The following C1QTNF1 variants were observed in gnomAD, a reference collection of about 807,000 sequenced individuals.
C1QTNF1 encodes C1q and TNF related 1.
C1QTNF1 carries 22 observed loss-of-function variants against 27.8 expected under a neutral mutation model. That is an observed-to-expected ratio of 0.79 (90% CI 0.56 to 1.13). The LOEUF is 1.13. Among genes scored for constraint, C1QTNF1 ranks in the 50% most tolerant of loss-of-function variants. The pLI is 0.00. For synonymous variants in C1QTNF1, 166 were observed against 154.3 expected (o/e 1.08, Z -0.56); for missense variants, 373 against 380.2 (o/e 0.98, Z 0.16).
rs770053807 is a variant in C1QTNF1, at chr17:79,046,703, G to A, written c.295+9G>A. 2 of 1,613,954 alleles carry A rather than the reference G, an allele frequency of 1.2e-6. No individual in the cohort carries two copies. The highest frequency in any genetic ancestry group is 2.7e-5 in the African/African-American group (2 of 74,928). On this transcript the variant is annotated intron_variant, in intron 3 of 3. Coordinates refer to ENST00000579760, the MANE Select transcript of C1QTNF1 (RefSeq NM_030968.5). The surrounding 1 kb of genome is among the most constrained non-coding windows in gnomAD (Gnocchi z 4.8). ...CATCACTATCTTGAAAGGTCAGATG[G>A]CTGCAAAGACAAGCACGGGGTGGCC...
rs1255799578 is a variant in C1QTNF1, at chr17:79,046,834, C to G, written c.295+140C>G. On this transcript the variant is annotated intron_variant, in intron 3 of 3. Transcript: ENST00000579760. This position sits in a 1 kb window ranked among gnomAD's most constrained non-coding sequence, Gnocchi z 4.8. ...CAGGGAGCAGAGGCAGGCAGGCTGT[C>G]ATCTAGAGGGGAAGGCACAGGAAAT... is the stretch of plus-strand genomic sequence containing the variant. 8.9e-7 allele frequency: 1 copy of G among 1,123,624 alleles called. No individual in the cohort carries two copies. Among genetic ancestry groups the G allele is most frequent in the African/African-American group, 1.6e-5 (1 of 64,050 alleles). 69.6% of individuals were successfully genotyped at this position (1,123,624 alleles called of 1,614,324 possible).
At chr17:79,043,038 G>T (rs2072455972) in intron 1 of C1QTNF1, among the ~76,000 whole-genome samples, 1 of 151,898 alleles carries the variant, frequency 6.6e-6, no homozygotes. Flanking sequence ...GCATGTATAT[G>T]AATGTGTGTG....
At chr17:79,044,562 G>A (rs141204242) in intron 2 of C1QTNF1, among the ~76,000 whole-genome samples, 54 of 152,278 alleles carry the variant, frequency 3.5e-4, no homozygotes, top group African/African-American at 1.2e-3. Context: ...CATGGCCCAC[G>A]CGTCTTATCA....
chr17:79,040,046 T>C (rs2072362379), intron 1 of C1QTNF1, among the ~76,000 whole-genome samples: 1 of 152,178 alleles, frequency 6.6e-6, no homozygotes, highest in African/African-American at 2.4e-5. Context: ...AAATATTTGC[T>C]GAGCACCAGT....
At position 79,044,118 on chromosome 17, in the gene C1QTNF1, CGA is replaced by C; in HGVS notation, c.154_155del (p.Arg52GlyfsTer2). On this transcript the variant is annotated frameshift_variant, in exon 2 of 4. Transcript: ENST00000579760. LOFTEE classifies it high-confidence loss of function. Reference sequence around the variant, plus strand: ...AGCTGCCGTCGCCTCCGGACCATGCCGAGAGGTGAGGGGCCACGAGGGTGTAA... The same window carrying C: ...AGCTGCCGTCGCCTCCGGACCATGCCGAGGTGAGGGGCCACGAGGGTGTAA... Reference protein sequence around the residue: ...EELPSPPDHAERAEEQHEKYR... With the variant: ...EELPSPPDHAXRAEEQHEKYR... 1 of 1,606,692 alleles carries C rather than the reference CGA, an allele frequency of 6.2e-7. No homozygotes were observed. The highest frequency in any genetic ancestry group is 1.1e-5 in the South Asian group (1 of 90,594).
At position 79,046,728 on chromosome 17, in the gene C1QTNF1, C is replaced by A; in HGVS notation, c.295+34C>A. The A allele has an allele frequency of 6.2e-7, 1 of 1,613,248 alleles. No individual in the cohort carries two copies. The highest frequency in any genetic ancestry group is 8.5e-7 in the Non-Finnish European group (1 of 1,179,610). ...GCTGCAAAGACAAGCACGGGGTGGC[C>A]GGGCTGCTCTGTGCTGATCCGGAGG... On this transcript the variant is annotated intron_variant, in intron 3 of 3. Transcript: ENST00000579760. This position sits in a 1 kb window ranked among gnomAD's most constrained non-coding sequence, Gnocchi z 4.8.
At chr17:79,040,650 T>C (rs1011372382) in intron 1 of C1QTNF1, among the ~76,000 whole-genome samples, 1 of 149,308 alleles carries the variant, frequency 6.7e-6, no homozygotes, top group Non-Finnish European at 1.5e-5. Flanking sequence ...TCCCAGCACT[T>C]TGGGAGGCTG....
Position 79,048,148 on chromosome 17 carries a change from C to G in C1QTNF1, c.*60C>G. On this transcript the variant is annotated 3_prime_UTR_variant, in exon 4 of 4. Coordinates refer to ENST00000579760, the MANE Select transcript of C1QTNF1 (RefSeq NM_030968.5). ...CACCCCTGCGCTGTGCTGACCCCAC[C>G]GCCTCTTCCCCGATCCCTGGACTCC... 1.8e-5 allele frequency: 17 copies of G among 947,798 alleles called. No homozygotes were observed. The highest frequency in any genetic ancestry group is 5.7e-5 in the Admixed American group (1 of 17,666). 58.7% of individuals were successfully genotyped at this position (947,798 alleles called of 1,614,324 possible).
At chr17:79,044,486 A>G (rs1456544394) in intron 2 of C1QTNF1, among the ~76,000 whole-genome samples, 1 of 152,160 alleles carries the variant, frequency 6.6e-6, no homozygotes, top group African/African-American at 2.4e-5. Flanking sequence ...GGACCTAGGC[A>G]CCACTTGGAG....
intron 1 of C1QTNF1, among the ~76,000 whole-genome samples, chr17:79,040,816 A>T (rs1487615339): frequency 6.7e-6 from 1 of 149,680 alleles, no homozygotes; most frequent in African/African-American, 2.5e-5. Flanking sequence ...AGGTGGGAGG[A>T]TGGCTCAAGT....
In C1QTNF1 at chr17:79,043,737, G is replaced by A. The variant is rs1219893643; in HGVS notation, c.-14-218G>A. On this transcript the variant is annotated intron_variant, in intron 1 of 3. Transcript: ENST00000579760. The stretch of plus-strand genomic sequence containing the variant: ...TATGTGAATGTGTGTGCATGTGCGT[G>A]TGTGCACGTGAGTGCGTCGTGAGTG... 7.6e-6 allele frequency: 5 copies of A among 660,594 alleles called. No individual in the cohort carries two copies. The African/African-American group carries it at 8.9e-5, about 12-fold the overall frequency. The allele number at this position is 660,594 out of a possible 1,614,324, so 40.9% of individuals were successfully genotyped here. A position where few individuals can be genotyped will look rare whatever the true frequency, so the allele number is the denominator to read the frequency against.
At chr17:79,029,066 C>T (rs2072056523) in intron 1 of C1QTNF1, among the ~76,000 whole-genome samples, 1 of 152,200 alleles carries the variant, frequency 6.6e-6, no homozygotes, top group South Asian at 2.1e-4. Context: ...GTACCCCATA[C>T]CATACCTGGC....
At chr17:79,030,321 G>T (rs1385853293) in intron 1 of C1QTNF1, among the ~76,000 whole-genome samples, 5 of 136,282 alleles carry the variant, frequency 3.7e-5, no homozygotes, top group Admixed American at 3.5e-4. Flanking sequence ...TTGTGGTTTT[G>T]TGTGTGTGTG....
In C1QTNF1 at chr17:79,030,839, G is replaced by A. The variant is rs544936046; in HGVS notation, c.-15+6345G>A. Among the ~76,000 whole-genome samples, 144 of 151,818 alleles carry A rather than the reference G, an allele frequency of 9.5e-4. 5 individuals are homozygous for A. The South Asian group carries it at 0.029, about 31-fold the overall frequency. ...TGATATTGAACTCCTGACCTCAAGC[G>A]ATCCGCCTGCCTCGGCCTCCCAGAG... On this transcript the variant is annotated intron_variant, in intron 1 of 3. Transcript: ENST00000579760.
Position 79,046,641 on chromosome 17 carries a change from C to T in C1QTNF1, c.242C>T (p.Thr81Ile), listed in dbSNP as rs1317037142. Residue 81 changes from threonine (T) to isoleucine (I), a missense_variant, in exon 3 of 4, where the codon ACC becomes ATC. By Grantham distance (89) the Thr-to-Ile change is moderately conservative. Coordinates refer to ENST00000579760, the MANE Select transcript of C1QTNF1 (RefSeq NM_030968.5). This position sits in a 1 kb window ranked among gnomAD's most constrained non-coding sequence, Gnocchi z 4.8. Reference protein sequence around the residue: ...SRCLRCCDPGTSMYPATAVPQ... With the variant: ...SRCLRCCDPGISMYPATAVPQ... ...TGCTTGCGCTGCTGTGACCCCGGTA[C>T]CTCCATGTACCCGGCGACCGCCGTG... The T allele has an allele frequency of 1.1e-5, 18 of 1,614,046 alleles. No individual in the cohort carries two copies. The highest frequency in any genetic ancestry group is 1.5e-5 in the Non-Finnish European group (18 of 1,180,034).
At chr17:79,031,044 C>T (rs1375800055) in intron 1 of C1QTNF1, among the ~76,000 whole-genome samples, 3 of 142,624 alleles carry the variant, frequency 2.1e-5, no homozygotes, top group South Asian at 2.2e-4. Flanking sequence ...CTTGCACTGT[C>T]GCCCAGGCTG....
Position 79,048,096 on chromosome 17 carries a change from G to A in C1QTNF1, c.*8G>A, listed in dbSNP as rs1241417646. On this transcript the variant is annotated 3_prime_UTR_variant, in exon 4 of 4. Coordinates refer to ENST00000579760, the MANE Select transcript of C1QTNF1 (RefSeq NM_030968.5). ...CACGCCACCGAGCCCTAGCTGGCCG[G>A]CCACCTCCTTTCCTCTCGCCACCTT... 3 of 1,521,340 alleles carry A rather than the reference G, an allele frequency of 2.0e-6. No individual in the cohort carries two copies. Among genetic ancestry groups the A allele is most frequent in the Middle Eastern group, 1.8e-4 (1 of 5,682 alleles). 94.2% of individuals were successfully genotyped at this position (1,521,340 alleles called of 1,614,324 possible).
chr17:79,030,739 T>A (rs80320894), intron 1 of C1QTNF1, among the ~76,000 whole-genome samples: 4,836 of 150,928 alleles, frequency 0.032, 178 homozygotes, highest in East Asian at 0.12. Context: ...AGCTGGGATT[T>A]TAGGCACACG....
At chr17:79,033,859 G>A (rs1466687394) in intron 1 of C1QTNF1, among the ~76,000 whole-genome samples, 3 of 152,184 alleles carry the variant, frequency 2.0e-5, no homozygotes, top group Non-Finnish European at 4.4e-5. Flanking sequence ...GAGGGCAGTC[G>A]ACATTGGCAG....
Sources: allele counts gnomAD v4.1 joint callset (sites outside exome capture counted in the v4.1 genomes callset), GRCh38; gene constraint gnomAD v4.1.1; non-coding constraint Gnocchi (gnomAD v3.1); transcripts MANE v1.5; gene names NCBI Gene and HGNC (gene_info 2026-07-23, HGNC 2026-07-21).